Variants in TULP4 observed in about 807,000 individuals in gnomAD.
TULP4 encodes tubby-related protein 4.
TULP4 carries 16 observed loss-of-function variants against 129.0 expected under a neutral mutation model. The ratio of observed to expected loss-of-function variants is 0.12; its 90% CI spans 0.08 to 0.19. The LOEUF (loss-of-function observed/expected upper bound fraction) is 0.19. Among genes scored for constraint, TULP4 ranks in the 10% least tolerant of loss-of-function variants. The probability of loss-of-function intolerance (pLI) is 1.00; values close to 1 mark genes in which losing one functional copy is unlikely to be tolerated. For synonymous variants in TULP4, 998 were observed against 854.0 expected (o/e 1.17, Z -2.94); for missense variants, 1,842 against 2,059.1 (o/e 0.89, Z 2.04).
chr6:158,303,194 G>A (rs1779158810), intron 1 of TULP4, among the ~76,000 whole-genome samples: 1 of 151,502 alleles, frequency 6.6e-6, no homozygotes, highest in African/African-American at 2.4e-5. Context: ...AACAATATTA[G>A]GTAGTAAAAG....
chr6:158,318,028 G>A (rs1779530629), intron 1 of TULP4, among the ~76,000 whole-genome samples: 1 of 152,150 alleles, frequency 6.6e-6, no homozygotes, highest in South Asian at 2.1e-4. Flanking sequence ...TTGTAAATTT[G>A]TTTAAGTTCT....
At chr6:158,403,592 G>A (rs1204154066) in intron 1 of TULP4, among the ~76,000 whole-genome samples, 2 of 152,036 alleles carry the variant, frequency 1.3e-5, no homozygotes, top group Non-Finnish European at 2.9e-5. Context: ...CGCCCGCCTC[G>A]GCCTCCCAAA....
intron 1 of TULP4, among the ~76,000 whole-genome samples, chr6:158,247,172 T>C (rs961973060): frequency 6.6e-6 from 1 of 152,212 alleles, no homozygotes; most frequent in African/African-American, 2.4e-5. Context: ...ATTTCTACTG[T>C]TTCTTCCTTT....
At chr6:158,451,217 G>A (rs1326412968) in intron 4 of TULP4, among the ~76,000 whole-genome samples, 1 of 152,208 alleles carries the variant, frequency 6.6e-6, no homozygotes, top group East Asian at 1.9e-4. Context: ...AGAAGCAGGG[G>A]GGGCAGTTTA....
rs572942342 is a variant in TULP4 at position 158,496,946 on chromosome 6, C to G, written c.1871-1723C>G. Among the ~76,000 whole-genome samples, 8 of 152,170 alleles carry G rather than the reference C, an allele frequency of 5.3e-5. No individual in the cohort carries two copies. In the East Asian group the frequency reaches 1.3e-3, roughly 26 times the overall value. Reference sequence around the variant, plus strand: ...CACTGCAGCCTCAAGCTCCTGCGCTCGAGTGATTCTCCCACCTCAGCCTGT... The same window carrying G: ...CACTGCAGCCTCAAGCTCCTGCGCTGGAGTGATTCTCCCACCTCAGCCTGT... On this transcript the variant is annotated intron_variant, in intron 11 of 13. Coordinates refer to ENST00000367097, the MANE Select transcript of TULP4 (RefSeq NM_020245.5).
intron 1 of TULP4, among the ~76,000 whole-genome samples, chr6:158,255,778 A>C (rs1481372370): frequency 6.6e-6 from 1 of 152,218 alleles, no homozygotes; most frequent in Non-Finnish European, 1.5e-5. Flanking sequence ...CACCAATTTA[A>C]GTTAGGGTTA....
chr6:158,344,745 T>A (rs541607517), intron 1 of TULP4, among the ~76,000 whole-genome samples: 252 of 152,302 alleles, frequency 1.7e-3, no homozygotes, highest in Non-Finnish European at 3.0e-3. Flanking sequence ...AACCCTACGG[T>A]GATCTCTAAG....
At chr6:158,328,125 T>TGTGCGTGC (rs769242005) in intron 1 of TULP4, among the ~76,000 whole-genome samples, 5 of 52,260 alleles carry the variant, frequency 9.6e-5, no homozygotes, top group South Asian at 1.3e-3. Context: ...TGTGTGTGTG[T>TGTGCGTGC]GTGCGTGCGT....
intron 10 of TULP4, among the ~76,000 whole-genome samples, chr6:158,494,174 G>T (rs1250892839): frequency 7.9e-5 from 12 of 152,166 alleles, no homozygotes. Flanking sequence ...ACCCTGGTTT[G>T]CCGGGAGAGG....
At position 158,509,466 on chromosome 6, in the gene TULP4, T is replaced by C. The variant is rs1400603147; in HGVS notation, c.*2772T>C. On this transcript the variant is annotated 3_prime_UTR_variant, in exon 14 of 14. Coordinates refer to ENST00000367097, the MANE Select transcript of TULP4 (RefSeq NM_020245.5). ...ATAAGCTTCACTTTTTGTGTTCTAA[T>C]TGTTTTTGAGATATAAAGACCCTGA... is the stretch of plus-strand genomic sequence containing the variant. 1 of 152,228 alleles carries C rather than the reference T, an allele frequency of 6.6e-6. No individual in the cohort carries two copies. Among genetic ancestry groups the C allele is most frequent in the Non-Finnish European group, 1.5e-5 (1 of 68,032 alleles). 9.4% of individuals were successfully genotyped at this position (152,228 alleles called of 1,614,324 possible).
chr6:158,442,435 G>A (rs754098636), intron 3 of TULP4, among the ~76,000 whole-genome samples: 8 of 151,832 alleles, frequency 5.3e-5, no homozygotes, highest in Non-Finnish European at 1.5e-5. Flanking sequence ...CCCCAGGCCC[G>A]ATTCTTTGCA....
intron 1 of TULP4, among the ~76,000 whole-genome samples, chr6:158,382,109 C>T (rs1333112383): frequency 6.6e-6 from 1 of 152,154 alleles, no homozygotes; most frequent in East Asian, 1.9e-4. Flanking sequence ...TGAGGTTTGG[C>T]ATGATGGTCT....
chr6:158,342,972 T>TGTGA (rs1243207223), intron 1 of TULP4, among the ~76,000 whole-genome samples: 1 of 151,320 alleles, frequency 6.6e-6, no homozygotes, highest in African/African-American at 2.4e-5. Flanking sequence ...TGTGTGTGTG[T>TGTGA]GTGTGTGTGT....
chr6:158,381,900 G>T (rs1174727116), intron 1 of TULP4, among the ~76,000 whole-genome samples: 1 of 152,174 alleles, frequency 6.6e-6, no homozygotes, highest in Admixed American at 6.5e-5. Context: ...TGTGTGCAAT[G>T]CAGTTGTTAT....
intron 1 of TULP4, among the ~76,000 whole-genome samples, chr6:158,343,128 G>A (rs1316477874): frequency 6.6e-6 from 1 of 152,012 alleles, no homozygotes. Context: ...GTGCATGCTT[G>A]GAGCCCTGTG....
intron 1 of TULP4, among the ~76,000 whole-genome samples, chr6:158,256,757 G>A (rs567727303): frequency 6.6e-6 from 1 of 152,302 alleles, no homozygotes; most frequent in East Asian, 1.9e-4. Context: ...ATATTAGGAC[G>A]TGATGTCGTC....
chr6:158,265,033 C>T (rs1030164674), intron 1 of TULP4, among the ~76,000 whole-genome samples: 1 of 152,230 alleles, frequency 6.6e-6, no homozygotes, highest in Non-Finnish European at 1.5e-5. Flanking sequence ...GTGCATTTAA[C>T]AGGGCACACC....
At position 158,331,717 on chromosome 6, in the gene TULP4, ACAC is replaced by A; in HGVS notation, c.252+17450_252+17452del. 8.6e-5 allele frequency among the ~76,000 whole-genome samples: 2 copies of A among 23,238 alleles called. 1 individual carries two copies. The highest frequency in any genetic ancestry group is 2.8e-4 in the Non-Finnish European group (2 of 7,190). 15.2% of individuals were successfully genotyped at this position (23,238 alleles called of 152,430 possible). A position where few individuals can be genotyped will look rare whatever the true frequency, so the allele number is the denominator to read the frequency against. The stretch of plus-strand genomic sequence containing the variant: ...CACACACACACACACACACACACAC[ACAC>A]ACACACACATACGTATATATATACG... On this transcript the variant is annotated intron_variant, in intron 1 of 13. Coordinates refer to ENST00000367097, the MANE Select transcript of TULP4 (RefSeq NM_020245.5).
At chr6:158,385,317 A>G (rs1777413973) in intron 1 of TULP4, among the ~76,000 whole-genome samples, 2 of 152,208 alleles carry the variant, frequency 1.3e-5, no homozygotes, top group South Asian at 4.1e-4. Context: ...ACTATTATGT[A>G]TAATTTCTCT....
Sources: allele counts gnomAD v4.1 joint callset (sites outside exome capture counted in the v4.1 genomes callset), GRCh38; gene constraint gnomAD v4.1.1; transcripts MANE v1.5; gene names NCBI Gene and HGNC (gene_info 2026-07-23, HGNC 2026-07-21).